The following FTO variants were observed in gnomAD, a reference collection of about 807,000 sequenced individuals.
FTO encodes FTO alpha-ketoglutarate dependent dioxygenase.
A neutral mutation model predicts 63.9 loss-of-function variants in FTO; 47 were observed. The ratio of observed to expected loss-of-function variants is 0.74; its 90% CI spans 0.58 to 0.94. The LOEUF (loss-of-function observed/expected upper bound fraction) is 0.94. Among genes scored for constraint, FTO ranks in the 40% least tolerant of loss-of-function variants. The pLI, the probability that FTO is intolerant of heterozygous loss-of-function variation, is 0.00. For synonymous variants in FTO, 207 were observed against 224.4 expected, an observed-to-expected ratio of 0.92 and a Z score of 0.69; for missense variants, 562 against 618.1, an observed-to-expected ratio of 0.91 and a Z score of 0.96.
chr16:53,988,567 A>G (rs1336738478), intron 8 of FTO, among the ~76,000 whole-genome samples: 2 of 152,146 alleles, frequency 1.3e-5, no homozygotes, highest in Non-Finnish European at 1.5e-5. Flanking sequence ...CATATCTACC[A>G]TTTATTGAGC....
chr16:54,051,785 G>A (rs1279529803), intron 8 of FTO, among the ~76,000 whole-genome samples: 2 of 152,184 alleles, frequency 1.3e-5, no homozygotes, highest in African/African-American at 4.8e-5. Flanking sequence ...TTTGTCTTAT[G>A]TGCCCTTGGC....
intron 4 of FTO, among the ~76,000 whole-genome samples, chr16:53,862,146 G>A (rs537860479): frequency 6.6e-6 from 1 of 152,278 alleles, no homozygotes; most frequent in African/African-American, 2.4e-5. Context: ...TACTCAGGAG[G>A]CTGAGGCAGG....
intron 3 of FTO, among the ~76,000 whole-genome samples, chr16:53,835,689 T>C (rs1227443185): frequency 6.6e-6 from 1 of 152,120 alleles, no homozygotes; most frequent in Non-Finnish European, 1.5e-5. Flanking sequence ...ATCATGCCCT[T>C]CAGTTGTTGG....
chr16:54,051,755 A>G (rs2085317355), intron 8 of FTO, among the ~76,000 whole-genome samples: 1 of 152,258 alleles, frequency 6.6e-6, no homozygotes, highest in African/African-American at 2.4e-5. Context: ...TTTTAAAATT[A>G]TATTTAAAAG....
chr16:54,067,009 T>A (rs1433783205), intron 8 of FTO, among the ~76,000 whole-genome samples: 2 of 152,254 alleles, frequency 1.3e-5, no homozygotes, highest in Admixed American at 1.3e-4. Flanking sequence ...GTTATTGCTC[T>A]GTCACTTTCC....
At chr16:53,717,234 G>A (rs1182819095) in intron 1 of FTO, among the ~76,000 whole-genome samples, 1 of 151,928 alleles carries the variant, frequency 6.6e-6, no homozygotes, top group Non-Finnish European at 1.5e-5. Flanking sequence ...GGTAATGCCA[G>A]TTTCCAATTT....
intron 8 of FTO, among the ~76,000 whole-genome samples, chr16:53,965,070 C>T (rs543431577): frequency 7.1e-6 from 1 of 141,066 alleles, no homozygotes; most frequent in African/African-American, 2.7e-5. Flanking sequence ...TAGTGATGAA[C>T]CCCCCGCCCT....
intron 8 of FTO, among the ~76,000 whole-genome samples, chr16:54,033,005 C>A (rs1328941949): frequency 6.6e-6 from 1 of 152,186 alleles, no homozygotes; most frequent in African/African-American, 2.4e-5. Flanking sequence ...TCCCCAGAAG[C>A]CAAGCATATT....
intron 1 of FTO, among the ~76,000 whole-genome samples, chr16:53,781,637 A>G (rs1380338555): frequency 6.6e-6 from 1 of 152,166 alleles, no homozygotes; most frequent in Non-Finnish European, 1.5e-5. Context: ...TACTTCTTCT[A>G]TCATCTTATT....
intron 8 of FTO, among the ~76,000 whole-genome samples, chr16:54,014,850 C>CTTTTT (rs149634902): frequency 7.8e-5 from 8 of 102,920 alleles, no homozygotes; most frequent in East Asian, 2.8e-4. Flanking sequence ...CTCTCTCTCT[C>CTTTTT]TTTTTTTTTT....
chr16:53,989,212 G>A (rs2083744534), intron 8 of FTO, among the ~76,000 whole-genome samples: 1 of 152,184 alleles, frequency 6.6e-6, no homozygotes, highest in Non-Finnish European at 1.5e-5. Flanking sequence ...GGTAAGCAAA[G>A]GAGACAGGTG....
At chr16:53,708,508 A>G (rs1342455344) in intron 1 of FTO, among the ~76,000 whole-genome samples, 1 of 152,212 alleles carries the variant, frequency 6.6e-6, no homozygotes, top group African/African-American at 2.4e-5. Flanking sequence ...TTTTGTGTGG[A>G]CGTGTTTTCA....
At position 53,844,212 on chromosome 16, in the gene FTO, G is replaced by A. The variant is rs964254505; in HGVS notation, c.809G>A (p.Trp270Ter). The A allele has an allele frequency of 6.2e-6, 10 of 1,613,506 alleles. No individual in the cohort carries two copies. The highest frequency in any genetic ancestry group is 8.5e-6 in the Non-Finnish European group (10 of 1,179,530). ...CTCGAAGGCAGGGATCCTGATATTT[G>A]GCATGTTGGTTTTAAGATCTCATGG... ...SHLEGRDPDI[W>*]HVGFKISWDI... The change falls in exon 4 of 9, where the codon TGG becomes TAG. Residue 270 changes from tryptophan (W) to a stop codon, truncating the protein, a stop_gained. Transcript: ENST00000471389. LOFTEE classifies it high-confidence loss of function.
chr16:53,886,578 A>G (rs1376066702), intron 6 of FTO, among the ~76,000 whole-genome samples: 2 of 152,262 alleles, frequency 1.3e-5, no homozygotes, highest in African/African-American at 2.4e-5. Context: ...AATAGCACAG[A>G]TAAGTTTTAG....
intron 8 of FTO, among the ~76,000 whole-genome samples, chr16:53,954,297 A>G (rs774279625): frequency 6.6e-6 from 1 of 152,180 alleles, no homozygotes; most frequent in African/African-American, 2.4e-5. Flanking sequence ...TTCTTTTAAC[A>G]TGGCTACCTG....
In FTO at chr16:54,038,707, T is replaced by TC. The variant is rs535439132; in HGVS notation, c.1365-73051dup. ...TGTTGTTTAAAGAGCCTGGCACCTC[T>TC]CCCCTCTCTCTCTTGTTCCCTCTTT... On this transcript the variant is annotated intron_variant, in intron 8 of 8. Transcript: ENST00000471389. 1.5e-3 allele frequency among the ~76,000 whole-genome samples: 222 copies of TC among 152,266 alleles called. 1 individual carries two copies. The Middle Eastern group carries it at 0.034, about 23-fold the overall frequency.
chr16:53,810,126 T>C lies in FTO; in HGVS notation c.46-14T>C, dbSNP rs1431467991. On this transcript the variant is annotated splice_polypyrimidine_tract_variant and intron_variant, in intron 1 of 8. Transcript: ENST00000471389. The stretch of plus-strand genomic sequence containing the variant: ...TTGCATATTCACTTATATGTAATTA[T>C]TATTTTCAAACAGAAACTGAGGCTT... 2.5e-6 allele frequency: 4 copies of C among 1,580,072 alleles called. 1 individual carries two copies. The East Asian group carries it at 6.7e-5, about 27-fold the overall frequency.
At chr16:53,998,361 T>C (rs950403977) in intron 8 of FTO, 18 of 152,242 alleles carry the variant, frequency 1.2e-4, no homozygotes, top group African/African-American at 4.1e-4. Flanking sequence ...TAGTGTCTAC[T>C]TGTCATCTTC....
chr16:54,071,983 T>A (rs1169399906), intron 8 of FTO: 1 of 152,134 alleles, frequency 6.6e-6, no homozygotes, highest in Non-Finnish European at 1.5e-5. Context: ...CACATCTATT[T>A]TTCATTGTTG....
Sources: allele counts gnomAD v4.1 joint callset (sites outside exome capture counted in the v4.1 genomes callset), GRCh38; gene constraint gnomAD v4.1.1; transcripts MANE v1.5; gene names NCBI Gene and HGNC (gene_info 2026-07-23, HGNC 2026-07-21).